The following CREB5 variants were observed in gnomAD, a reference collection of about 807,000 sequenced individuals.
CREB5 encodes cyclic AMP-responsive element-binding protein 5.
A neutral mutation model predicts 57.1 loss-of-function variants in CREB5; 19 were observed. The observed-to-expected ratio is 0.33, with a 90% confidence interval of 0.23 to 0.49. The LOEUF is 0.49. Among genes scored for constraint, CREB5 ranks in the 20% least tolerant of loss-of-function variants. The pLI, the probability that CREB5 is intolerant of heterozygous loss-of-function variation, is 0.99. For synonymous variants in CREB5, 238 were observed against 238.3 expected (o/e 1.00, Z 0.01); for missense variants, 579 against 671.6 (o/e 0.86, Z 1.52).
intron 1 of CREB5, among the ~76,000 whole-genome samples, chr7:28,347,063 G>A (rs575659160): frequency 3.8e-4 from 58 of 152,328 alleles, no homozygotes; most frequent in African/African-American, 1.4e-3. Flanking sequence ...GAATATCTGT[G>A]GGCATTTCTC....
chr7:28,477,753 T>C (rs1791143654), intron 1 of CREB5, among the ~76,000 whole-genome samples: 1 of 152,192 alleles, frequency 6.6e-6, no homozygotes, highest in Non-Finnish European at 1.5e-5. Context: ...ATTCTTTGTT[T>C]AGTAGGAAGT....
At chr7:28,722,085 C>T (rs923568343) in intron 6 of CREB5, among the ~76,000 whole-genome samples, 8 of 152,142 alleles carry the variant, frequency 5.3e-5, no homozygotes, top group Non-Finnish European at 8.8e-5. Flanking sequence ...GTCTATAAGA[C>T]GACAGTCATG....
chr7:28,329,513 T>C (rs1277177555), intron 1 of CREB5, among the ~76,000 whole-genome samples: 2 of 152,234 alleles, frequency 1.3e-5, no homozygotes, highest in Non-Finnish European at 2.9e-5. Context: ...ATTGTAAACA[T>C]TCCCAAAAAT....
chr7:28,340,146 G>A (rs952665701), intron 1 of CREB5, among the ~76,000 whole-genome samples: 1 of 152,202 alleles, frequency 6.6e-6, no homozygotes, highest in Non-Finnish European at 1.5e-5. Flanking sequence ...GGCCAAACTC[G>A]TACCTAAGGT....
At chr7:28,585,271 G>A (rs986673466) in intron 5 of CREB5, among the ~76,000 whole-genome samples, 1 of 152,182 alleles carries the variant, frequency 6.6e-6, no homozygotes, top group Non-Finnish European at 1.5e-5. Context: ...GTTCTTAGCA[G>A]CTAATAACAT....
At chr7:28,301,092 T>G (rs1251875532) in intron 1 of CREB5, among the ~76,000 whole-genome samples, 1 of 152,234 alleles carries the variant, frequency 6.6e-6, no homozygotes, top group Non-Finnish European at 1.5e-5. Context: ...TTTTTAAAGG[T>G]GACTCTAATA....
At chr7:28,500,369 C>A (rs193244710) in intron 3 of CREB5, among the ~76,000 whole-genome samples, 2 of 152,288 alleles carry the variant, frequency 1.3e-5, no homozygotes, top group East Asian at 3.9e-4. Context: ...CACAAGCCCA[C>A]GTGTGGCACA....
intron 5 of CREB5, among the ~76,000 whole-genome samples, chr7:28,657,120 G>T (rs1488618506): frequency 6.6e-6 from 1 of 152,106 alleles, no homozygotes; most frequent in African/African-American, 2.4e-5. Flanking sequence ...CATCTGCAAG[G>T]CACCAACCCC....
chr7:28,609,526 A>T (rs1797305097), intron 5 of CREB5, among the ~76,000 whole-genome samples: 1 of 152,196 alleles, frequency 6.6e-6, no homozygotes, highest in African/African-American at 2.4e-5. Flanking sequence ...ATCCTCTTGC[A>T]TGTATTTTTA....
At chr7:28,698,087 T>C (rs1457023291) in intron 5 of CREB5, among the ~76,000 whole-genome samples, 3 of 152,160 alleles carry the variant, frequency 2.0e-5, no homozygotes, top group African/African-American at 7.2e-5. Flanking sequence ...TAAATTTCCC[T>C]TGAAAGACAC....
chr7:28,505,511 T>C lies in CREB5; in HGVS notation c.170-2105T>C, dbSNP rs142464230. Among the ~76,000 whole-genome samples, 4 of 152,332 alleles carry C rather than the reference T, an allele frequency of 2.6e-5. No homozygotes were observed. In the East Asian group the frequency reaches 7.7e-4, roughly 29 times the overall value. On this transcript the variant is annotated intron_variant, in intron 3 of 10. Coordinates refer to ENST00000357727, the MANE Select transcript of CREB5 (RefSeq NM_182898.4). ...TTTTTGAAAGATGAGGAATATGAAG[T>C]CCAGAGAATGTAGGTAAATTCCCCC...
intron 7 of CREB5, among the ~76,000 whole-genome samples, chr7:28,742,449 C>T (rs1804418602): frequency 6.6e-6 from 1 of 151,862 alleles, no homozygotes; most frequent in African/African-American, 2.4e-5. Flanking sequence ...GCCTGTAGTC[C>T]CAGCTACTCG....
At chr7:28,756,470 C>T (rs1278927165) in intron 7 of CREB5, among the ~76,000 whole-genome samples, 4 of 151,482 alleles carry the variant, frequency 2.6e-5, no homozygotes, top group African/African-American at 9.7e-5. Flanking sequence ...GCAGGAGAAT[C>T]GCTTGAACCT....
intron 6 of CREB5, among the ~76,000 whole-genome samples, chr7:28,723,756 A>G (rs778060857): frequency 1.3e-4 from 20 of 152,222 alleles, no homozygotes; most frequent in Admixed American, 6.5e-4. Context: ...AAAAAAAGCC[A>G]TAGATTTCCC....
intron 2 of CREB5, among the ~76,000 whole-genome samples, chr7:28,489,265 G>C (rs1791695718): frequency 6.7e-6 from 1 of 148,188 alleles, no homozygotes; most frequent in Admixed American, 6.7e-5. Context: ...TCAGATGAGA[G>C]CTTGATAAGA....
At chr7:28,695,161 A>ATT (rs1417220988) in intron 5 of CREB5, among the ~76,000 whole-genome samples, 18 of 152,316 alleles carry the variant, frequency 1.2e-4, no homozygotes, top group African/African-American at 3.6e-4. Context: ...CGGTAGTTCC[A>ATT]GGCTGCAGTG....
intron 5 of CREB5, among the ~76,000 whole-genome samples, chr7:28,602,756 TGTG>T (rs889859292): frequency 7.2e-5 from 11 of 152,292 alleles, no homozygotes; most frequent in Admixed American, 2.0e-4. Context: ...GAGGAATCCT[TGTG>T]GTGATGGAAC....
At chr7:28,524,360 C>CAT (rs70977052) in intron 4 of CREB5, among the ~76,000 whole-genome samples, 15 of 147,452 alleles carry the variant, frequency 1.0e-4, no homozygotes, top group African/African-American at 3.1e-4. Flanking sequence ...CACACACACA[C>CAT]GGCAGATGTG....
At chr7:28,801,010 C>T (rs995212111) in intron 7 of CREB5, among the ~76,000 whole-genome samples, 6 of 152,158 alleles carry the variant, frequency 3.9e-5, no homozygotes, top group Non-Finnish European at 8.8e-5. Flanking sequence ...TAGCTTGATA[C>T]TTGTAAAACA....
Sources: gnomAD v4.1 joint callset for allele counts (sites outside exome capture counted in the v4.1 genomes callset) on GRCh38, gnomAD v4.1.1 for gene constraint, MANE v1.5 for transcripts, NCBI Gene and HGNC (gene_info 2026-07-23, HGNC 2026-07-21) for gene names.